The following PPM1J variants were observed in gnomAD, a reference collection of about 807,000 sequenced individuals.
The protein encoded by PPM1J is protein phosphatase 1J.
PPM1J carries 43 observed loss-of-function variants against 53.3 expected under a neutral mutation model. That is an observed-to-expected ratio of 0.81 (90% CI 0.63 to 1.04). PPM1J has a LOEUF of 1.04. Ranked by LOEUF, PPM1J falls within the 50% of genes least tolerant of loss-of-function variation. PPM1J has a pLI of 0.00. For missense variants in PPM1J, 635 were observed against 685.9 expected, an observed-to-expected ratio of 0.93 and a Z score of 0.83; for synonymous variants, 267 against 286.4, an observed-to-expected ratio of 0.93 and a Z score of 0.68.
intron 1 of PPM1J, 64 bp downstream of exon 1, chr1:112,714,912 G>C (rs1675160684): frequency 1.5e-6 from 2 of 1,321,670 alleles, no homozygotes; most frequent in Non-Finnish European, 1.9e-6. Flanking sequence ...TAGCGCCGGG[G>C]ATGCGGAGCT....
chr1:112,714,347 C>G (rs1235060799), intron 1 of PPM1J: 2 of 985,560 alleles, frequency 2.0e-6, no homozygotes, highest in East Asian at 2.3e-4. Flanking sequence ...GGCCAGCCGG[C>G]CGCTCCGGGC....
Position 112,711,086 on chromosome 1 carries a change from G to C in PPM1J, c.1047-15C>G, listed in dbSNP as rs2101479355. ...TTTTGTAGGCCCTGGGGAGGGGGGA[G>C]TAGAGGAGGCATCACCCAGGCATCA... is the stretch of plus-strand genomic sequence containing the variant. On this transcript the variant is annotated splice_polypyrimidine_tract_variant and intron_variant, in intron 6 of 9. Coordinates refer to ENST00000309276, the MANE Select transcript of PPM1J (RefSeq NM_005167.7). 6.2e-7 allele frequency: 1 copy of C among 1,612,630 alleles called. No individual in the cohort carries two copies. Among genetic ancestry groups the C allele is most frequent in the Non-Finnish European group, 8.5e-7 (1 of 1,178,674 alleles).
rs200822626 is a variant in PPM1J, at chr1:112,710,790, C to T, written c.1172G>A (p.Cys391Tyr). The change falls in exon 8 of 10, where the codon TGC becomes TAC. Residue 391 changes from cysteine to tyrosine, a missense_variant. Physicochemically the swap from Cys to Tyr is radical, Grantham distance 194. Coordinates refer to ENST00000309276, the MANE Select transcript of PPM1J (RefSeq NM_005167.7). ...GGGCTTGATGGGCAGGGTGGAACTGCAGACCTTAAGGCTGTGGTCTCCCAA... is the reference window on the plus strand; with the variant it reads ...GGGCTTGATGGGCAGGGTGGAACTGTAGACCTTAAGGCTGTGGTCTCCCAA... ...RGLGDHSLKVCSSTLPIKPFL... is the reference protein window; with the variant it reads ...RGLGDHSLKVYSSTLPIKPFL... The T allele has an allele frequency of 1.5e-5, 24 of 1,614,072 alleles. No individual in the cohort carries two copies. The African/African-American group carries it at 2.9e-4, about 20-fold the overall frequency.
At chr1:112,713,997 A>C (rs1675135123) in intron 1 of PPM1J, 1 of 1,089,384 alleles carries the variant, frequency 9.2e-7, no homozygotes, top group Non-Finnish European at 1.1e-6. Context: ...TCCCACCCTC[A>C]ACCACTATCA....
intron 9 of PPM1J, 37 bp from the exon 10 acceptor site, chr1:112,710,347 T>C: frequency 6.2e-7 from 1 of 1,612,748 alleles, no homozygotes; most frequent in Non-Finnish European, 8.5e-7. Flanking sequence ...TGTACCAACA[T>C]GTATGTGGGA....
In PPM1J at chr1:112,713,612, C is replaced by A; in HGVS notation, c.327-1G>T. Reference sequence around the variant, plus strand: ...CCGACTCTTGCCAGCATTGATGACCCTGCCAGGCCAGAATGACCACATCAG... The same window carrying A: ...CCGACTCTTGCCAGCATTGATGACCATGCCAGGCCAGAATGACCACATCAG... On this transcript the variant is annotated splice_acceptor_variant, in intron 1 of 9. Coordinates refer to ENST00000309276, the MANE Select transcript of PPM1J (RefSeq NM_005167.7). LOFTEE classifies it high-confidence loss of function. 6.2e-7 allele frequency: 1 copy of A among 1,612,962 alleles called. No homozygotes were observed. The highest frequency in any genetic ancestry group is 8.5e-7 in the Non-Finnish European group (1 of 1,178,944).
chr1:112,714,794 C>A, intron 1 of PPM1J, 182 bp downstream of exon 1: 1 of 1,270,204 alleles, frequency 7.9e-7, no homozygotes, highest in Non-Finnish European at 9.9e-7. Context: ...ACAGGCTGCC[C>A]CCCACTGGAA....
chr1:112,710,883 G>C, intron 7 of PPM1J, 32 bp from the exon 8 acceptor site: 1 of 1,601,916 alleles, frequency 6.2e-7, no homozygotes, highest in Non-Finnish European at 8.6e-7. Context: ...TGCCACTGTA[G>C]TCCTCTGCTA....
At chr1:112,712,509 C>T (rs371888790) in intron 3 of PPM1J, 52 bp from the exon 4 acceptor site, 103 of 1,485,982 alleles carry the variant, frequency 6.9e-5, no homozygotes, top group Non-Finnish European at 9.2e-5. Flanking sequence ...TTCCAGCACA[C>T]AGTCACCCTC....
chr1:112,712,082 G>C (rs1190343320), intron 4 of PPM1J, 27 bp from the exon 5 acceptor site: 1 of 1,572,574 alleles, frequency 6.4e-7, no homozygotes, highest in Non-Finnish European at 8.7e-7. Flanking sequence ...AAGGAATTGG[G>C]ACCTGGTTCT....
rs760071463 is a variant in PPM1J at position 112,710,443 on chromosome 1, T to C, written c.1370+17A>G. 1 of 1,613,270 alleles carries C rather than the reference T, an allele frequency of 6.2e-7. No individual in the cohort carries two copies. The highest frequency in any genetic ancestry group is 1.7e-5 in the Admixed American group (1 of 60,008). On this transcript the variant is annotated intron_variant, in intron 9 of 9. Coordinates refer to ENST00000309276, the MANE Select transcript of PPM1J (RefSeq NM_005167.7). ...CACCAATGCCATCCCCTTACCACCATGCCATGCAGCCCCTACCTGCTGTGG... is the reference window on the plus strand; with the variant it reads ...CACCAATGCCATCCCCTTACCACCACGCCATGCAGCCCCTACCTGCTGTGG...
At position 112,713,594 on chromosome 1, in the gene PPM1J, T is replaced by C; in HGVS notation, c.344A>G (p.Lys115Arg). The change falls in exon 2 of 10, where the codon AAG (lysine) becomes AGG (arginine). Residue 115 changes from lysine to arginine, a missense_variant. By Grantham distance (26) the Lys-to-Arg change is conservative. Coordinates refer to ENST00000309276, the MANE Select transcript of PPM1J (RefSeq NM_005167.7). ...TGYAEVINAG[K>R]SRHNEDQACC... Reference sequence around the variant, plus strand: ...AGCCTGGTCCTCATTGTGCCGACTCTTGCCAGCATTGATGACCCTGCCAGG... The same window carrying C: ...AGCCTGGTCCTCATTGTGCCGACTCCTGCCAGCATTGATGACCCTGCCAGG... 2 of 1,614,106 alleles carry C rather than the reference T, an allele frequency of 1.2e-6. No individual in the cohort carries two copies. Among genetic ancestry groups the C allele is most frequent in the Non-Finnish European group, 1.7e-6 (2 of 1,179,978 alleles).
Position 112,710,267 on chromosome 1 carries a change from T to A in PPM1J, c.1414A>T (p.Thr472Ser), listed in dbSNP as rs555291454. ...AGACGCCAGCCACGGTCTCGGGGGG[T>A]ACCCCGGGCCCCCAGGACCAGAGCT... ...AQALVLGARG[T>S]PRDRGWRLPN... The change falls in exon 10 of 10, where the codon ACC becomes TCC. Residue 472 changes from threonine to serine, a missense_variant. Thr to Ser is a moderately conservative substitution (Grantham distance 58). Coordinates refer to ENST00000309276, the MANE Select transcript of PPM1J (RefSeq NM_005167.7). 1.9e-6 allele frequency: 3 copies of A among 1,602,232 alleles called. No individual in the cohort carries two copies. Among genetic ancestry groups the A allele is most frequent in the Non-Finnish European group, 2.5e-6 (3 of 1,177,078 alleles).
rs766345644 is a variant in PPM1J at position 112,712,466 on chromosome 1, TAAGG to T, written c.730-13_730-10del. ...CGGGCCATCTGCTCATCCTGCCACA[TAAGG>T]AAGGGTCAGAGGTGGGTAGAAGGAG... On this transcript the variant is annotated splice_polypyrimidine_tract_variant and intron_variant, in intron 3 of 9. Coordinates refer to ENST00000309276, the MANE Select transcript of PPM1J (RefSeq NM_005167.7). 1.9e-6 allele frequency: 3 copies of T among 1,610,632 alleles called. No individual in the cohort carries two copies. Among genetic ancestry groups the T allele is most frequent in the Non-Finnish European group, 2.5e-6 (3 of 1,177,448 alleles).
At chr1:112,712,196 A>G (rs1408661686) in intron 4 of PPM1J, 141 bp from the exon 5 acceptor site, 48 of 927,138 alleles carry the variant, frequency 5.2e-5, no homozygotes, top group South Asian at 8.1e-5. Context: ...ACCCCACCCA[A>G]TGGATATTTC....
chr1:112,712,253 G>T (rs1675080940), intron 4 of PPM1J, 92 bp downstream of exon 4: 2 of 1,137,424 alleles, frequency 1.8e-6, no homozygotes, highest in Non-Finnish European at 2.6e-6. Context: ...CTCCAATCTT[G>T]ATTTTTAACC....
intron 1 of PPM1J, 112 bp downstream of exon 1, chr1:112,714,864 G>A: frequency 3.0e-6 from 4 of 1,321,180 alleles, no homozygotes; most frequent in Non-Finnish European, 3.9e-6. Context: ...CACGGAAAAG[G>A]GAGCTCCTGG....
intron 3 of PPM1J, 48 bp from the exon 4 acceptor site, chr1:112,712,505 CA>C (rs1333964336): frequency 2.0e-6 from 3 of 1,513,958 alleles, no homozygotes; most frequent in African/African-American, 2.7e-5. Context: ...GAGGTTCCAG[CA>C]CACAGTCACC....
Position 112,715,198 on chromosome 1 carries a change from G to A in PPM1J, c.104C>T (p.Pro35Leu), listed in dbSNP as rs771465433. The A allele has an allele frequency of 3.4e-6, 5 of 1,460,122 alleles. No individual in the cohort carries two copies. The highest frequency in any genetic ancestry group is 2.8e-5 in the East Asian group (1 of 35,778). The allele number at this position is 1,460,122 out of a possible 1,614,324, so 90.4% of individuals were successfully genotyped here. ...SPDLPNAASAPPAAAPEAPRS... is the reference protein window; with the variant it reads ...SPDLPNAASALPAAAPEAPRS... ...GGGCGCTTCTGGAGCGGCGGCGGGC[G>A]GCGCCGAGGCGGCGTTGGGCAGGTC... is the stretch of plus-strand genomic sequence containing the variant. The change falls in exon 1 of 10, where the codon CCG (proline) becomes CTG (leucine). Residue 35 changes from proline (P) to leucine (L), a missense_variant. Transcript: ENST00000309276. The surrounding 1 kb of genome is among the most constrained non-coding windows in gnomAD (Gnocchi z 4.4).
Sources: allele counts gnomAD v4.1 joint callset, GRCh38; gene constraint gnomAD v4.1.1; non-coding constraint Gnocchi (gnomAD v3.1); transcripts MANE v1.5; gene names NCBI Gene and HGNC (gene_info 2026-07-23, HGNC 2026-07-21).